The following NBPF20 variants were observed in gnomAD, a reference collection of about 807,000 sequenced individuals.
NBPF20 encodes the protein NBPF family member NBPF20.
NBPF20 carries 90 observed loss-of-function variants against 68.1 expected under a neutral mutation model. The ratio of observed to expected loss-of-function variants is 1.32; its 90% CI spans 1.11 to 1.58. NBPF20 has a LOEUF of 1.58. NBPF20 is among the 40% of genes most tolerant of loss of function. The probability of loss-of-function intolerance (pLI) is 0.00; values close to 1 mark genes in which losing one functional copy is unlikely to be tolerated. For missense variants in NBPF20, 816 were observed against 601.2 expected (o/e 1.36, Z -3.74); for synonymous variants, 290 against 228.1 (o/e 1.27, Z -2.45).
intron 7 of NBPF20, among the ~76,000 whole-genome samples, chr1:145,397,604 C>A (rs1313014139): frequency 1.8e-4 from 27 of 152,290 alleles, no homozygotes; most frequent in African/African-American, 5.3e-4. Flanking sequence ...TGGAAAGGAA[C>A]AACCGGTACC....
chr1:145,298,360 A>T (rs1661341460), intron 129 of NBPF20, among the ~76,000 whole-genome samples: 1 of 144,110 alleles, frequency 6.9e-6, no homozygotes, highest in Non-Finnish European at 1.5e-5. Context: ...ACACACAGAC[A>T]CACACACACA....
At chr1:145,394,221 T>C (rs1261949911) in intron 8 of NBPF20, among the ~76,000 whole-genome samples, 1 of 152,084 alleles carries the variant, frequency 6.6e-6, no homozygotes, top group East Asian at 1.9e-4. Flanking sequence ...CAATAAATTG[T>C]AGGCAAATAG....
intron 2 of NBPF20, 77 bp downstream of exon 7, chr1:145,405,021 G>A (rs2101589992): frequency 6.2e-7 from 1 of 1,601,918 alleles, no homozygotes; most frequent in Non-Finnish European, 8.5e-7. Flanking sequence ...AATTATTTTT[G>A]ATGGAGAGAG....
chr1:145,406,085 ATTTTTTTT>A (rs587699811), upstream of NBPF20, among the ~76,000 whole-genome samples: 6 of 117,648 alleles, frequency 5.1e-5, no homozygotes, highest in East Asian at 2.4e-4. Flanking sequence ...CGCCCGGCTA[ATTTTTTTT>A]TTTTTTTTTT....
intron 112 of NBPF20, among the ~76,000 whole-genome samples, chr1:145,311,971 G>C (rs1448674130): frequency 1.1e-5 from 1 of 91,074 alleles, no homozygotes; most frequent in Non-Finnish European, 2.1e-5. Context: ...AACGTCATGA[G>C]AGTAGGATTA....
intron 29 of NBPF20, among the ~76,000 whole-genome samples, chr1:145,377,641 GGAGAGA>G (rs1304185362): frequency 7.2e-6 from 1 of 138,156 alleles, no homozygotes; most frequent in Non-Finnish European, 1.6e-5. Flanking sequence ...GGAGAGGGAG[GGAGAGA>G]GAGAGAGAGA....
upstream of NBPF20, among the ~76,000 whole-genome samples, chr1:145,407,495 T>G (rs2101600520): frequency 6.9e-6 from 1 of 145,968 alleles, no homozygotes; most frequent in East Asian, 2.0e-4. Flanking sequence ...CACATGAATA[T>G]ATATAATATA....
chr1:145,425,256 C>T, the NBPF20 span, among the ~76,000 whole-genome samples: 1 of 149,322 alleles, frequency 6.7e-6, no homozygotes, highest in East Asian at 2.0e-4. Context: ...CGCCCTCCGT[C>T]GCTCGCAACA....
chr1:145,400,195 G>C (rs1407508637), intron 6 of NBPF20, among the ~76,000 whole-genome samples, 194 bp downstream of exon 11: 28 of 152,290 alleles, frequency 1.8e-4, no homozygotes, highest in Admixed American at 1.3e-3. Context: ...GCCTGGGGTT[G>C]AGTAACTTGA....
At position 145,394,453 on chromosome 1, in the gene NBPF20, T is replaced by G. The variant is rs1160217697; in HGVS notation, c.992-518A>C. 2.0e-5 allele frequency among the ~76,000 whole-genome samples: 3 copies of G among 152,030 alleles called. No homozygotes were observed. The South Asian group carries it at 6.2e-4, about 32-fold the overall frequency. ...TTATCTAGAAAACATACCAGGAACA[T>G]GATGGACAGATGAGCTAAAACAAGC... On this transcript the variant is annotated intron_variant, in intron 8 of 137. Coordinates refer to ENST00000369373, the Ensembl canonical transcript of NBPF20.
Position 145,291,773 on chromosome 1 carries a change from G to T in NBPF20, c.16698-4C>A. 1.2e-6 allele frequency: 2 copies of T among 1,611,822 alleles called. No homozygotes were observed. Among genetic ancestry groups the T allele is most frequent in the Non-Finnish European group, 1.7e-6 (2 of 1,179,836 alleles). On this transcript the variant is annotated splice_polypyrimidine_tract_variant and splice_region_variant and intron_variant, in intron 137 of 137. Coordinates refer to ENST00000369373, the Ensembl canonical transcript of NBPF20. ...TTCCATCAGCACGCCGTTGAGCCTG[G>T]AAAAGGAGACAAAACTAAAGAAGCA... is the stretch of plus-strand genomic sequence containing the variant.
chr1:145,394,173 G>C (rs1378931843), intron 8 of NBPF20, among the ~76,000 whole-genome samples: 1 of 152,118 alleles, frequency 6.6e-6, no homozygotes, highest in Non-Finnish European at 1.5e-5. Flanking sequence ...TATGTGCTCT[G>C]TCCTAGGCTT....
In NBPF20 at chr1:145,394,288, C is replaced by A. The variant is rs1316304680; in HGVS notation, c.992-353G>T. Among the ~76,000 whole-genome samples the A allele has an allele frequency of 4.7e-3, 711 of 151,546 alleles. 2 individuals are homozygous for A. Among genetic ancestry groups the A allele is most frequent in the Non-Finnish European group, 6.9e-3 (468 of 68,006 alleles). ...ATTAAGCTTTCTCTCATCAAATACC[C>A]AGAATTTGATAGTTTATGAGATTGT... On this transcript the variant is annotated intron_variant, in intron 8 of 137. Transcript: ENST00000369373.
intron 43 of NBPF20, 71 bp downstream of exon 48, chr1:145,366,932 G>A (rs1661711509): frequency 2.0e-4 from 4 of 19,698 alleles, no homozygotes; most frequent in South Asian, 6.7e-4. Flanking sequence ...ATGTCAGCCC[G>A]CTCTGTTTTC....
chr1:145,411,436 G>C, the NBPF20 span, among the ~76,000 whole-genome samples: 1 of 111,044 alleles, frequency 9.0e-6, no homozygotes, highest in Non-Finnish European at 1.8e-5. Context: ...CTGTTACCCA[G>C]GCTGGAGTGC....
chr1:145,342,867 G>A (rs1248451774), intron 73 of NBPF20, among the ~76,000 whole-genome samples: 1 of 62,706 alleles, frequency 1.6e-5, no homozygotes, highest in East Asian at 5.5e-4. Context: ...GGGAGTAACA[G>A]GACACTCTGA....
intron 3 of NBPF20, 123 bp downstream of exon 8, chr1:145,403,093 C>A: frequency 7.0e-6 from 7 of 1,004,458 alleles, no homozygotes; most frequent in Middle Eastern, 3.1e-4. Context: ...GTGTAGCGAG[C>A]CTGCCATGGC....
exon 138 of NBPF20, chr1:145,291,506 C>T (rs1456443867): frequency 2.5e-6 from 4 of 1,611,876 alleles, no homozygotes; most frequent in East Asian, 2.2e-5. Context: ...AATGACATCT[C>T]TCGGCTTAGT....
At chr1:145,403,716 G>A (rs1435117048) in intron 2 of NBPF20, among the ~76,000 whole-genome samples, 1 of 151,958 alleles carries the variant, frequency 6.6e-6, no homozygotes, top group African/African-American at 2.4e-5. Context: ...AGGACTATGG[G>A]ACTGATGGTT....
Sources: allele counts gnomAD v4.1 joint callset (sites outside exome capture counted in the v4.1 genomes callset), GRCh38; gene constraint gnomAD v4.1.1; transcripts MANE v1.5; gene names NCBI Gene and HGNC (gene_info 2026-07-23, HGNC 2026-07-21).